The following DNAH2 variants were observed in gnomAD, a reference collection of about 807,000 sequenced individuals.
DNAH2 encodes axonemal beta dynein heavy chain 2.
In DNAH2, 323 loss-of-function variants were observed where a neutral mutation model predicts 523.5. The ratio of observed to expected loss-of-function variants is 0.62; its 90% CI spans 0.56 to 0.68. The LOEUF is 0.68. Ranked by LOEUF, DNAH2 falls within the 30% of genes least tolerant of loss-of-function variation. The pLI is 0.00. For missense variants in DNAH2, 4,907 were observed against 5,701.5 expected (o/e 0.86, Z 4.49); for synonymous variants, 2,093 against 2,177.4 (o/e 0.96, Z 1.08).
At position 7,786,469 on chromosome 17, in the gene DNAH2, C is replaced by T. The variant is rs995693441; in HGVS notation, c.6349-101C>T. 1.6e-5 allele frequency: 24 copies of T among 1,464,644 alleles called. No individual in the cohort carries two copies. The highest frequency in any genetic ancestry group is 1.4e-4 in the Admixed American group (8 of 56,988). The allele number at this position is 1,464,644 out of a possible 1,614,324, so 90.7% of individuals were successfully genotyped here. ...TACCTGGGACCATGGTGGCCTGGAG[C>T]GATGAGAGAAGGGACAAATGCACGT... On this transcript the variant is annotated intron_variant, in intron 40 of 85. Coordinates refer to ENST00000572933, the MANE Select transcript of DNAH2 (RefSeq NM_020877.5). This position sits in a 1 kb window ranked among gnomAD's most constrained non-coding sequence, Gnocchi z 7.5.
Position 7,734,441 on chromosome 17 carries a change from C to T in DNAH2, c.740-29C>T, listed in dbSNP as rs187142961. 37 of 1,609,706 alleles carry T rather than the reference C, an allele frequency of 2.3e-5. No homozygotes were observed. In the Admixed American group the frequency reaches 4.9e-4, roughly 21 times the overall value. On this transcript the variant is annotated intron_variant, in intron 6 of 85. Coordinates refer to ENST00000572933, the MANE Select transcript of DNAH2 (RefSeq NM_020877.5). Reference sequence around the variant, plus strand: ...GCTGTTGGGAAGCAGTGTGAAGAAACGAAGGAGATTTTGTACTCTCCCCTG... The same window carrying T: ...GCTGTTGGGAAGCAGTGTGAAGAAATGAAGGAGATTTTGTACTCTCCCCTG...
In DNAH2 at chr17:7,830,441, C is replaced by G; in HGVS notation, c.11995C>G (p.Leu3999Val). 1.2e-6 allele frequency: 2 copies of G among 1,614,232 alleles called. No individual in the cohort carries two copies. The highest frequency in any genetic ancestry group is 8.5e-7 in the Non-Finnish European group (1 of 1,180,048). Residue 3999 changes from leucine (L) to valine (V), a missense_variant, in exon 78 of 86, where the codon CTG becomes GTG. Transcript: ENST00000572933. ...TGTGTTACTTGAACGCAAAAAGTTC[C>G]TGCAGCTTGGCTGGAACATCATCTA... ...HSVLLERKKFLQLGWNIIYGF... is the reference protein window; with the variant it reads ...HSVLLERKKFVQLGWNIIYGF...
At chr17:7,830,910 T>G (rs1341412972) in intron 79 of DNAH2, 68 bp downstream of exon 79, 9 of 1,593,452 alleles carry the variant, frequency 5.6e-6, no homozygotes, top group Non-Finnish European at 7.7e-6. Context: ...GGATCAGGGG[T>G]GGGGGTAATG....
At chr17:7,830,165 AC>A in intron 77 of DNAH2, 134 bp from the exon 78 acceptor site, 1 of 876,844 alleles carries the variant, frequency 1.1e-6, no homozygotes, top group Non-Finnish European at 1.7e-6. Flanking sequence ...ATCAACGGCT[AC>A]ATTTCAGCCT....
At chr17:7,738,551 G>A (rs528334870) in intron 8 of DNAH2, among the ~76,000 whole-genome samples, 32 of 152,108 alleles carry the variant, frequency 2.1e-4, no homozygotes, top group African/African-American at 7.2e-4. Context: ...GGGTGGTCTC[G>A]ATCTCCTGAC....
chr17:7,800,866 CA>C (rs1206829305), intron 56 of DNAH2, among the ~76,000 whole-genome samples: 332 of 119,624 alleles, frequency 2.8e-3, no homozygotes, highest in African/African-American at 4.5e-3. Context: ...GACTCCGTCT[CA>C]AAAAAAAAAA....
rs764368115 is a variant in DNAH2 at position 7,774,907 on chromosome 17, A to C, written c.4650A>C (p.Arg1550=). The C allele has an allele frequency of 6.2e-7, 1 of 1,614,214 alleles. No individual in the cohort carries two copies. The highest frequency in any genetic ancestry group is 1.1e-5 in the South Asian group (1 of 91,082). The change falls in exon 29 of 86, where the codon CGA becomes CGC. Residue 1550 remains arginine, a synonymous_variant. Transcript: ENST00000572933. ...DDLLEILGQS[R]NPEAVQPHLK... is the part of the protein sequence containing the mutation. ...TGCTGGAGATTCTGGGCCAGTCCCG[A>C]AACCCAGAGGCTGTGCAGCCACACC...
In DNAH2 at chr17:7,721,261, C is replaced by T. The variant is rs951563716; in HGVS notation, c.166+1361C>T. On this transcript the variant is annotated intron_variant, in intron 2 of 85. Coordinates refer to ENST00000572933, the MANE Select transcript of DNAH2 (RefSeq NM_020877.5). The stretch of plus-strand genomic sequence containing the variant: ...CGATCTCAGTTCACTGCAACCTCCA[C>T]CTCCTGGGTTCAAGCGATTCTCCTG... 2.0e-5 allele frequency among the ~76,000 whole-genome samples: 3 copies of T among 152,194 alleles called. No homozygotes were observed. The East Asian group carries it at 5.8e-4, about 29-fold the overall frequency.
At chr17:7,722,363 T>C (rs1224241081) in intron 2 of DNAH2, among the ~76,000 whole-genome samples, 1 of 152,180 alleles carries the variant, frequency 6.6e-6, no homozygotes, top group East Asian at 1.9e-4. Context: ...AATTTACCTT[T>C]TTAAAGTCTA....
At chr17:7,737,875 T>C (rs2075186519) in intron 8 of DNAH2, 1 of 674,612 alleles carries the variant, frequency 1.5e-6, no homozygotes. Context: ...AGTAGGGGGC[T>C]GAGACATGAA....
chr17:7,727,131 T>C lies in DNAH2; in HGVS notation c.238T>C (p.Phe80Leu). ...TGCTCTCCTTCTGTAGAAGCCCCTC[T>C]TCCTTTCCCGAGCTGCGCTGACAGG... ...VEPEADVKPL[F>L]LSRAALTGLA... Residue 80 changes from phenylalanine to leucine, a missense_variant, in exon 4 of 86, where the codon TTC becomes CTC. Physicochemically the swap from Phe to Leu is conservative, Grantham distance 22. This residue lies in a region of DNAH2 where 2,806 missense variants were observed against 3,190.8 expected (regional missense o/e 0.88). Coordinates refer to ENST00000572933, the MANE Select transcript of DNAH2 (RefSeq NM_020877.5). 6.4e-7 allele frequency: 1 copy of C among 1,563,718 alleles called. No homozygotes were observed. The highest frequency in any genetic ancestry group is 8.6e-7 in the Non-Finnish European group (1 of 1,162,238).
intron 15 of DNAH2, 107 bp downstream of exon 15, chr17:7,759,231 T>TACTTCTCAAACATCGTGC (rs1336374742): frequency 1.3e-6 from 2 of 1,510,612 alleles, no homozygotes; most frequent in African/African-American, 2.8e-5. Context: ...TACCAGTGTG[T>TACTTCTCAAACATCGTGC]ACTTCTCAAA....
rs1435113082 is a variant in DNAH2, at chr17:7,807,237, C to T, written c.9530C>T (p.Ala3177Val). 1 of 1,613,866 alleles carries T rather than the reference C, an allele frequency of 6.2e-7. No homozygotes were observed. Among genetic ancestry groups the T allele is most frequent in the East Asian group, 2.2e-5 (1 of 44,890 alleles). The change falls in exon 62 of 86, where the codon GCC (alanine) becomes GTC (valine). Residue 3177 changes from alanine to valine, a missense_variant. Coordinates refer to ENST00000572933, the MANE Select transcript of DNAH2 (RefSeq NM_020877.5). This position sits in a 1 kb window ranked among gnomAD's most constrained non-coding sequence, Gnocchi z 5.6. ...KVLKKIGAYC[A>V]QPDFQPDIIG... is the part of the protein sequence containing the mutation. Reference sequence around the variant, plus strand: ...CTGAAGAAGATTGGGGCCTACTGCGCCCAGCCTGACTTCCAGCCTGATATC... The same window carrying T: ...CTGAAGAAGATTGGGGCCTACTGCGTCCAGCCTGACTTCCAGCCTGATATC...
Position 7,759,631 on chromosome 17 carries a change from A to G in DNAH2, c.2637+21A>G, listed in dbSNP as rs745813354. ...CACAGGTAAGAACCACTTTGCCCCCAACATCTCAAAACCATTGCATCTTAT... is the reference window on the plus strand; with the variant it reads ...CACAGGTAAGAACCACTTTGCCCCCGACATCTCAAAACCATTGCATCTTAT... On this transcript the variant is annotated intron_variant, in intron 16 of 85. Transcript: ENST00000572933. 8 of 1,608,606 alleles carry G rather than the reference A, an allele frequency of 5.0e-6. No homozygotes were observed. In the Admixed American group the frequency reaches 1.0e-4, roughly 20 times the overall value.
chr17:7,787,830 G>A lies in DNAH2; in HGVS notation c.6604-30G>A, dbSNP rs780238499. On this transcript the variant is annotated intron_variant, in intron 42 of 85. Coordinates refer to ENST00000572933, the MANE Select transcript of DNAH2 (RefSeq NM_020877.5). ...CCTGAAGGTGGGGGATGCAGAGAAA[G>A]ATGAAGTTCTGACAAACGTATATCC... is the stretch of plus-strand genomic sequence containing the variant. The A allele has an allele frequency of 3.8e-6, 6 of 1,575,748 alleles. No individual in the cohort carries two copies. The East Asian group carries it at 1.4e-4, about 36-fold the overall frequency.
intron 12 of DNAH2, among the ~76,000 whole-genome samples, chr17:7,753,327 T>C (rs2075742486): frequency 6.6e-6 from 1 of 152,094 alleles, no homozygotes. Flanking sequence ...AGTAGACAGT[T>C]GCACAACGAA....
At chr17:7,813,229 G>A (rs1242661847) in intron 63 of DNAH2, among the ~76,000 whole-genome samples, 2 of 151,860 alleles carry the variant, frequency 1.3e-5, no homozygotes, top group South Asian at 2.1e-4. Flanking sequence ...GCCTGTATAC[G>A]AATTTCTCTT....
Position 7,786,819 on chromosome 17 carries a change from T to C in DNAH2, c.6467-78T>C, listed in dbSNP as rs896710101. ...TGCTGAAGTACAAGGGAGTGTAGGCTTGTGTCTCCGAGGAGCGTGAGCGGA... is the reference window on the plus strand; with the variant it reads ...TGCTGAAGTACAAGGGAGTGTAGGCCTGTGTCTCCGAGGAGCGTGAGCGGA... On this transcript the variant is annotated intron_variant, in intron 41 of 85. Coordinates refer to ENST00000572933, the MANE Select transcript of DNAH2 (RefSeq NM_020877.5). This position sits in a 1 kb window ranked among gnomAD's most constrained non-coding sequence, Gnocchi z 7.5. 9 of 1,607,482 alleles carry C rather than the reference T, an allele frequency of 5.6e-6. No individual in the cohort carries two copies. Among genetic ancestry groups the C allele is most frequent in the African/African-American group, 1.3e-5 (1 of 74,802 alleles).
At chr17:7,816,836 C>G (rs1015858728) in intron 64 of DNAH2, 101 bp downstream of exon 64, 10 of 1,455,040 alleles carry the variant, frequency 6.9e-6, no homozygotes, top group Non-Finnish European at 9.3e-6. Context: ...AACGGGGACA[C>G]CTGGGTATAG....
Sources: allele counts gnomAD v4.1 joint callset (sites outside exome capture counted in the v4.1 genomes callset), GRCh38; gene constraint gnomAD v4.1.1; regional missense constraint gnomAD v4.1.1; non-coding constraint Gnocchi (gnomAD v3.1); transcripts MANE v1.5; gene names NCBI Gene and HGNC (gene_info 2026-07-23, HGNC 2026-07-21).